MXI1: variants seen among roughly 807,000 people sequenced by gnomAD.
MXI1 encodes the protein MAX interactor 1, dimerization protein.
MXI1 carries 18 observed loss-of-function variants against 36.9 expected under a neutral mutation model. The ratio of observed to expected loss-of-function variants is 0.49; its 90% CI spans 0.34 to 0.72. The LOEUF (loss-of-function observed/expected upper bound fraction) is 0.72, where lower values mean the gene tolerates loss of function less well. Among genes scored for constraint, MXI1 ranks in the 30% least tolerant of loss-of-function variants. The pLI, the probability that MXI1 is intolerant of heterozygous loss-of-function variation, is 0.01. For missense variants in MXI1, 304 were observed against 379.1 expected, an observed-to-expected ratio of 0.80 and a Z score of 1.64; for synonymous variants, 160 against 146.7, an observed-to-expected ratio of 1.09 and a Z score of -0.65.
At chr10:110,215,050 T>TG (rs900560121) in intron 1 of MXI1, among the ~76,000 whole-genome samples, 15 of 125,254 alleles carry the variant, frequency 1.2e-4, no homozygotes, top group Non-Finnish European at 2.3e-4. Context: ...TTTGTTTTTT[T>TG]TTTTTTTTTG....
intron 5 of MXI1, among the ~76,000 whole-genome samples, chr10:110,281,192 A>T (rs1307219522): frequency 6.6e-6 from 1 of 152,168 alleles, no homozygotes; most frequent in Non-Finnish European, 1.5e-5. Context: ...AACTTGTTTC[A>T]TCTGTTCTTC....
intron 2 of MXI1, among the ~76,000 whole-genome samples, chr10:110,242,833 T>C (rs1037688781): frequency 1.3e-5 from 2 of 151,814 alleles, no homozygotes; most frequent in Non-Finnish European, 2.9e-5. Context: ...AATAAGTTTA[T>C]GGCTGTTTAG....
At chr10:110,249,125 G>T (rs976593912) in intron 3 of MXI1, among the ~76,000 whole-genome samples, 14 of 152,152 alleles carry the variant, frequency 9.2e-5, no homozygotes, top group Middle Eastern at 3.4e-3. Context: ...TCTAGCTTTG[G>T]CATCCTTTAA....
At chr10:110,268,256 A>G (rs1214125322) in intron 3 of MXI1, among the ~76,000 whole-genome samples, 1 of 152,200 alleles carries the variant, frequency 6.6e-6, no homozygotes, top group African/African-American at 2.4e-5. Flanking sequence ...TATTGATGAA[A>G]TGAAAATAAT....
intron 3 of MXI1, among the ~76,000 whole-genome samples, chr10:110,274,056 G>T (rs1014619605): frequency 6.6e-6 from 1 of 152,196 alleles, no homozygotes; most frequent in Non-Finnish European, 1.5e-5. Context: ...AAATAGCACA[G>T]CTACTAGTAG....
At chr10:110,210,122 T>C (rs964757351) in intron 1 of MXI1, 3 of 371,262 alleles carry the variant, frequency 8.1e-6, no homozygotes, top group African/African-American at 6.9e-5. Context: ...ACCAGTCACG[T>C]AAGCAGAGAG....
chr10:110,221,043 G>A (rs1234014635), intron 1 of MXI1, among the ~76,000 whole-genome samples: 1 of 152,246 alleles, frequency 6.6e-6, no homozygotes, highest in East Asian at 1.9e-4. Context: ...TTTAATTATA[G>A]TGGAAGGGTG....
intron 1 of MXI1, among the ~76,000 whole-genome samples, chr10:110,209,879 T>G (rs1157539800): frequency 6.6e-6 from 1 of 152,088 alleles, no homozygotes; most frequent in African/African-American, 2.4e-5. Context: ...GTACACCCCA[T>G]GAGGGCACGT....
chr10:110,252,309 T>A (rs1253871718), intron 3 of MXI1, among the ~76,000 whole-genome samples: 1 of 152,192 alleles, frequency 6.6e-6, no homozygotes, highest in Admixed American at 6.5e-5. Flanking sequence ...ATTTCTCTAT[T>A]TACAGTCTTC....
chr10:110,243,378 C>T (rs1338538784), intron 2 of MXI1, among the ~76,000 whole-genome samples: 1 of 151,962 alleles, frequency 6.6e-6, no homozygotes, highest in Admixed American at 6.6e-5. Context: ...ACTCATGAAG[C>T]AAAAGGTGGA....
At chr10:110,275,649 C>T (rs1276913090) in intron 3 of MXI1, among the ~76,000 whole-genome samples, 1 of 152,134 alleles carries the variant, frequency 6.6e-6, no homozygotes, top group African/African-American at 2.4e-5. Flanking sequence ...TGGGACTCTC[C>T]CTCTTGGTCA....
rs928748456 is a variant in MXI1 at position 110,276,116 on chromosome 10, T to C, written c.438-3064T>C. Among the ~76,000 whole-genome samples, 6 of 152,364 alleles carry C rather than the reference T, an allele frequency of 3.9e-5. No individual in the cohort carries two copies. In the East Asian group the frequency reaches 1.2e-3, roughly 29 times the overall value. On this transcript the variant is annotated intron_variant, in intron 3 of 5. Coordinates refer to ENST00000332674, the MANE Select transcript of MXI1 (RefSeq NM_130439.3). ...ATTTCCATATAGAATTCCAGCTCAG[T>C]TGTTTTCCCTTGAAGGAGAGAAAAT... is the stretch of plus-strand genomic sequence containing the variant.
At chr10:110,263,534 G>C (rs1856585886) in intron 3 of MXI1, among the ~76,000 whole-genome samples, 1 of 152,098 alleles carries the variant, frequency 6.6e-6, no homozygotes, top group Non-Finnish European at 1.5e-5. Context: ...ACTCCATTGT[G>C]ACTTCAAGTT....
At chr10:110,265,174 G>C (rs1856643962) in intron 3 of MXI1, among the ~76,000 whole-genome samples, 1 of 152,048 alleles carries the variant, frequency 6.6e-6, no homozygotes, top group African/African-American at 2.4e-5. Flanking sequence ...GCCCAACATT[G>C]GTTAGGAATA....
intron 1 of MXI1, among the ~76,000 whole-genome samples, chr10:110,220,374 T>C (rs1854771431): frequency 1.3e-5 from 2 of 152,236 alleles, no homozygotes; most frequent in Admixed American, 6.5e-5. Context: ...AAAACACTAT[T>C]GCTGGAAGAG....
chr10:110,242,465 C>G (rs1001629773), intron 2 of MXI1, among the ~76,000 whole-genome samples: 1 of 151,886 alleles, frequency 6.6e-6, no homozygotes, highest in Non-Finnish European at 1.5e-5. Context: ...ATTGGAAGAA[C>G]ATGGCAACAT....
intron 3 of MXI1, among the ~76,000 whole-genome samples, chr10:110,250,052 C>T (rs1197815897): frequency 6.6e-6 from 1 of 152,066 alleles, no homozygotes; most frequent in Non-Finnish European, 1.5e-5. Flanking sequence ...TTTTGGCAGG[C>T]CCAGAGTAGT....
At chr10:110,218,660 A>G (rs1052572229) in intron 1 of MXI1, among the ~76,000 whole-genome samples, 9 of 151,974 alleles carry the variant, frequency 5.9e-5, no homozygotes, top group African/African-American at 2.2e-4. Context: ...CACTGCTTGC[A>G]CCTGCAGTAG....
Position 110,250,344 on chromosome 10 carries a change from A to G in MXI1, c.437+5487A>G, listed in dbSNP as rs150659417. Among the ~76,000 whole-genome samples the G allele has an allele frequency of 4.6e-3, 697 of 152,298 alleles. 2 individuals carry two copies. Among genetic ancestry groups the G allele is most frequent in the Non-Finnish European group, 6.9e-3 (470 of 68,010 alleles). On this transcript the variant is annotated intron_variant, in intron 3 of 5. Coordinates refer to ENST00000332674, the MANE Select transcript of MXI1 (RefSeq NM_130439.3). Reference sequence around the variant, plus strand: ...GTTGTTCTGCATTCCTCAGGAACCTATGTGAATCATCTCATGGTAAACTTA... The same window carrying G: ...GTTGTTCTGCATTCCTCAGGAACCTGTGTGAATCATCTCATGGTAAACTTA...
Sources: gnomAD v4.1 joint callset for allele counts (sites outside exome capture counted in the v4.1 genomes callset) on GRCh38, gnomAD v4.1.1 for gene constraint, MANE v1.5 for transcripts, NCBI Gene and HGNC (gene_info 2026-07-23, HGNC 2026-07-21) for gene names.